PRUNE2: variants seen among roughly 807,000 people sequenced by gnomAD.
PRUNE2 encodes the protein protein prune homolog 2.
Under a neutral mutation model 252.0 loss-of-function variants are expected in PRUNE2, and 164 were observed. The ratio of observed to expected loss-of-function variants is 0.65; its 90% CI spans 0.57 to 0.74. The LOEUF (loss-of-function observed/expected upper bound fraction) is 0.74, where lower values mean the gene tolerates loss of function less well. PRUNE2 is among the 30% of genes least tolerant of loss of function. PRUNE2 has a pLI of 0.00. For synonymous variants in PRUNE2, 1,292 were observed against 1,350.2 expected (o/e 0.96, Z 0.94); for missense variants, 3,495 against 3,711.0 (o/e 0.94, Z 1.51).
At position 76,706,883 on chromosome 9, in the gene PRUNE2, ATCTCCTGTTGT is replaced by A; in HGVS notation, c.5380_5390del (p.Thr1794CysfsTer17). ...CTTTGGGAGATATTTGCCATGCAAC[ATCTCCTGTTGT>A]CCCTGTTTCTGGAGAAGATCTCTTC... On this transcript the variant is annotated frameshift_variant, in exon 8 of 19. Transcript: ENST00000376718. LOFTEE classifies it high-confidence loss of function. The A allele has an allele frequency of 6.3e-7, 1 of 1,596,518 alleles. No individual in the cohort carries two copies. Among genetic ancestry groups the A allele is most frequent in the Non-Finnish European group, 8.5e-7 (1 of 1,171,470 alleles).
chr9:76,802,832 C>T (rs2056654844), intron 6 of PRUNE2, among the ~76,000 whole-genome samples: 1 of 152,006 alleles, frequency 6.6e-6, no homozygotes, highest in African/African-American at 2.4e-5. Flanking sequence ...AGGTTGTTTT[C>T]CCCCTTTGTA....
In PRUNE2 at chr9:76,850,678, A is replaced by C; in HGVS notation, c.142-13T>G. 6.3e-7 allele frequency: 1 copy of C among 1,584,742 alleles called. No individual in the cohort carries two copies. The highest frequency in any genetic ancestry group is 8.7e-7 in the Non-Finnish European group (1 of 1,155,028). ...CTGGTGGACTGACCTACCAAGAAAA[A>C]AGTTGACTGAATTACTGAAAATAGC... On this transcript the variant is annotated splice_polypyrimidine_tract_variant and intron_variant, in intron 2 of 18. Transcript: ENST00000376718.
chr9:76,716,525 T>A (rs957615890), intron 6 of PRUNE2, among the ~76,000 whole-genome samples: 8 of 152,228 alleles, frequency 5.3e-5, no homozygotes, highest in Non-Finnish European at 1.2e-4. Context: ...TTTGTTCCTA[T>A]GGCAACCTCA....
chr9:76,768,505 C>T (rs1340762513), intron 6 of PRUNE2, among the ~76,000 whole-genome samples: 1 of 151,726 alleles, frequency 6.6e-6, no homozygotes, highest in African/African-American at 2.4e-5. Context: ...ATTTCAACAA[C>T]TATCAAGTCT....
intron 6 of PRUNE2, among the ~76,000 whole-genome samples, chr9:76,728,532 A>C (rs896209548): frequency 1.3e-5 from 2 of 152,220 alleles, no homozygotes; most frequent in African/African-American, 4.8e-5. Context: ...TATTGTCTAC[A>C]CATAGTTTCT....
intron 6 of PRUNE2, among the ~76,000 whole-genome samples, chr9:76,756,792 C>A (rs2051192565): frequency 6.6e-6 from 1 of 152,114 alleles, no homozygotes; most frequent in African/African-American, 2.4e-5. Context: ...CCTCCATCAC[C>A]AGGGACAGGG....
intron 12 of PRUNE2, chr9:76,644,501 A>T: frequency 1.7e-6 from 1 of 602,112 alleles, no homozygotes. Flanking sequence ...GATCGCTATC[A>T]GATATGTAGC....
At chr9:76,748,301 G>T (rs956116355) in intron 6 of PRUNE2, among the ~76,000 whole-genome samples, 1 of 152,184 alleles carries the variant, frequency 6.6e-6, no homozygotes, top group Non-Finnish European at 1.5e-5. Flanking sequence ...AATCAAGCCA[G>T]GTTCTCAGAA....
intron 10 of PRUNE2, among the ~76,000 whole-genome samples, chr9:76,653,301 C>T (rs148016918): frequency 8.5e-5 from 13 of 152,202 alleles, no homozygotes; most frequent in Admixed American, 3.3e-4. Flanking sequence ...GGATTGATTC[C>T]AGGACCCCTG....
At chr9:76,734,558 A>G (rs922432849) in intron 6 of PRUNE2, among the ~76,000 whole-genome samples, 1 of 152,240 alleles carries the variant, frequency 6.6e-6, no homozygotes, top group African/African-American at 2.4e-5. Flanking sequence ...GGATTAAATG[A>G]GATAGTTCAT....
At chr9:76,741,069 A>G (rs1344879719) in intron 6 of PRUNE2, among the ~76,000 whole-genome samples, 3 of 152,208 alleles carry the variant, frequency 2.0e-5, no homozygotes, top group African/African-American at 7.2e-5. Flanking sequence ...AAAATAATCT[A>G]TGTGTAGGAA....
chr9:76,831,638 T>C (rs1449503081), intron 4 of PRUNE2, among the ~76,000 whole-genome samples: 2 of 152,088 alleles, frequency 1.3e-5, no homozygotes, highest in African/African-American at 2.4e-5. Context: ...TATGTTGTAA[T>C]TGCTATCATA....
rs1170899729 is a variant in PRUNE2 at position 76,894,716 on chromosome 9, G to GAAAAAAAAAAAAAA, written c.36+11211_36+11212insTTTTTTTTTTTTTT. The stretch of plus-strand genomic sequence containing the variant: ...TGCACCCTTTCATTAATTTTCTGCA[G>GAAAAAAAAAAAAAA]CAAAAAAAAAAAAAAAGGACCAGCC... On this transcript the variant is annotated intron_variant, in intron 1 of 18. Transcript: ENST00000376718. Among the ~76,000 whole-genome samples the GAAAAAAAAAAAAAA allele has an allele frequency of 4.3e-3, 479 of 110,562 alleles. 8 individuals are homozygous for GAAAAAAAAAAAAAA. Among genetic ancestry groups the GAAAAAAAAAAAAAA allele is most frequent in the African/African-American group, 0.018 (197 of 11,212 alleles). The allele number at this position is 110,562 out of a possible 152,430, so 72.5% of individuals were successfully genotyped here.
chr9:76,784,638 T>C (rs930561924), intron 6 of PRUNE2: 1 of 152,230 alleles, frequency 6.6e-6, no homozygotes, highest in African/African-American at 2.4e-5. Flanking sequence ...AGAATAACAT[T>C]ACTCATTTTG....
chr9:76,749,150 T>C (rs2050393493), intron 6 of PRUNE2, among the ~76,000 whole-genome samples: 1 of 152,198 alleles, frequency 6.6e-6, no homozygotes, highest in Admixed American at 6.5e-5. Context: ...AACTAAAGAT[T>C]ACACTGTAAC....
intron 3 of PRUNE2, among the ~76,000 whole-genome samples, chr9:76,849,467 CAT>C (rs35563454): frequency 0.29 from 43,432 of 151,878 alleles, 7,384 homozygotes; most frequent in African/African-American, 0.48. Context: ...TTTTAATACA[CAT>C]GTTTGGCATC....
chr9:76,883,625 CTT>C (rs1299477448), intron 1 of PRUNE2, among the ~76,000 whole-genome samples: 4 of 152,212 alleles, frequency 2.6e-5, no homozygotes, highest in African/African-American at 9.6e-5. Context: ...CTCTTGGACT[CTT>C]TGTAATGAGA....
Position 76,648,655 on chromosome 9 carries a change from G to A in PRUNE2, c.8558-3746C>T, listed in dbSNP as rs145713655. Among the ~76,000 whole-genome samples, 3 of 152,268 alleles carry A rather than the reference G, an allele frequency of 2.0e-5. No individual in the cohort carries two copies. The East Asian group carries it at 5.8e-4, about 29-fold the overall frequency. ...AGCATCAGTGATTGCTAGGGGTTGCGGGAAAGGGAGACATAGGCAGAGCAC... is the reference window on the plus strand; with the variant it reads ...AGCATCAGTGATTGCTAGGGGTTGCAGGAAAGGGAGACATAGGCAGAGCAC... On this transcript the variant is annotated intron_variant, in intron 11 of 18. Transcript: ENST00000376718.
In PRUNE2 at chr9:76,775,612, T is replaced by C. The variant is rs1319049726; in HGVS notation, c.756+48020A>G. ...TACTCTGCCCAGCCTATTTTGTCATTTTAAAAATCATTTTCTCAGTCTGTC... is the reference window on the plus strand; with the variant it reads ...TACTCTGCCCAGCCTATTTTGTCATCTTAAAAATCATTTTCTCAGTCTGTC... On this transcript the variant is annotated intron_variant, in intron 6 of 18. Transcript: ENST00000376718. Among the ~76,000 whole-genome samples the C allele has an allele frequency of 2.8e-4, 43 of 152,208 alleles. 1 individual carries two copies. Among genetic ancestry groups the C allele is most frequent in the Admixed American group, 2.8e-3 (43 of 15,278 alleles).
Sources: allele counts gnomAD v4.1 joint callset (sites outside exome capture counted in the v4.1 genomes callset), GRCh38; gene constraint gnomAD v4.1.1; transcripts MANE v1.5; gene names NCBI Gene and HGNC (gene_info 2026-07-23, HGNC 2026-07-21).